The following RYR2 variants were observed in gnomAD, a reference collection of about 807,000 sequenced individuals.
The protein encoded by RYR2 is ryanodine receptor 2, also known as cardiac muscle ryanodine receptor-calcium release channel.
Under a neutral mutation model 601.1 loss-of-function variants are expected in RYR2, and 227 were observed. That is an observed-to-expected ratio of 0.38 (90% CI 0.34 to 0.42). The LOEUF (loss-of-function observed/expected upper bound fraction) is 0.42, where lower values mean the gene tolerates loss of function less well. RYR2 is among the 10% of genes least tolerant of loss of function. The pLI, the probability that RYR2 is intolerant of heterozygous loss-of-function variation, is 1.00. For missense variants in RYR2, 4,646 were observed against 6,156.5 expected (o/e 0.75, Z 8.21); for synonymous variants, 2,223 against 2,175.1 (o/e 1.02, Z -0.61).
At chr1:237,505,976 C>T (rs1665181991) in intron 22 of RYR2, among the ~76,000 whole-genome samples, 1 of 151,898 alleles carries the variant, frequency 6.6e-6, no homozygotes, top group South Asian at 2.1e-4. Context: ...AATCACTAGT[C>T]AGACATTTAT....
Position 237,311,646 on chromosome 1 carries a change from A to AT in RYR2, c.169-19221dup, listed in dbSNP as rs529823066. 7.8e-4 allele frequency among the ~76,000 whole-genome samples: 116 copies of AT among 148,168 alleles called. No homozygotes were observed. In the Middle Eastern group the frequency reaches 0.011, roughly 14 times the overall value. On this transcript the variant is annotated intron_variant, in intron 2 of 104. Coordinates refer to ENST00000366574, the MANE Select transcript of RYR2 (RefSeq NM_001035.3). ...AGGTGTGTGCCACCACAACCAGCTA[A>AT]TTTTTTTTTTTAAGTAGAGTTGGGA...
chr1:237,363,711 C>T (rs889302403), intron 4 of RYR2, among the ~76,000 whole-genome samples: 3 of 152,076 alleles, frequency 2.0e-5, no homozygotes, highest in Admixed American at 6.6e-5. Context: ...TATGCACACA[C>T]ATACGTACAC....
intron 56 of RYR2, among the ~76,000 whole-genome samples, chr1:237,665,557 C>T (rs1684250790): frequency 1.3e-5 from 2 of 152,104 alleles, no homozygotes; most frequent in Non-Finnish European, 1.5e-5. Context: ...AAACGGGATG[C>T]TCAAAAAACA....
chr1:237,796,152 G>C (rs12759509), intron 96 of RYR2, among the ~76,000 whole-genome samples: 8,481 of 151,812 alleles, frequency 0.056, 321 homozygotes, highest in African/African-American at 0.11. Context: ...TGCATCTGAG[G>C]ACACCCAAAT....
chr1:237,683,382 G>A (rs532160458), intron 62 of RYR2, among the ~76,000 whole-genome samples: 1 of 152,268 alleles, frequency 6.6e-6, no homozygotes, highest in South Asian at 2.1e-4. Flanking sequence ...ATACTTTGCA[G>A]TAGCTAAATA....
rs2147939984 is a variant in RYR2, at chr1:237,530,436, G to A, written c.2832G>A (p.Leu944=). Reference sequence around the variant, plus strand: ...TGGTTTTGTTTTCCAGGACTTTGTTGGCATTAGGATGTCATGTGGGTATAT... The same window carrying A: ...TGGTTTTGTTTTCCAGGACTTTGTTAGCATTAGGATGTCATGTGGGTATAT... ...QMSLETLKTL[L]ALGCHVGISD... Residue 944 remains leucine, a synonymous_variant, in exon 25 of 105, where the codon TTG becomes TTA. Transcript: ENST00000366574. 12 of 1,606,412 alleles carry A rather than the reference G, an allele frequency of 7.5e-6. No homozygotes were observed. The highest frequency in any genetic ancestry group is 2.2e-5 in the East Asian group (1 of 44,780).
At chr1:237,138,101 G>A (rs1043243822) in intron 1 of RYR2, among the ~76,000 whole-genome samples, 4 of 151,972 alleles carry the variant, frequency 2.6e-5, no homozygotes, top group Admixed American at 6.6e-5. Context: ...GCACAATCTC[G>A]GCTTACTGTA....
At chr1:237,236,364 A>T (rs139605821) in intron 1 of RYR2, among the ~76,000 whole-genome samples, 1 of 152,338 alleles carries the variant, frequency 6.6e-6, no homozygotes, top group Non-Finnish European at 1.5e-5. Context: ...GTACCAGGAA[A>T]AGATAAGAAA....
intron 4 of RYR2, among the ~76,000 whole-genome samples, chr1:237,357,002 T>C (rs1456345345): frequency 6.6e-6 from 1 of 152,210 alleles, no homozygotes; most frequent in Non-Finnish European, 1.5e-5. Context: ...TTGCCATCTT[T>C]TCAGTGCCCT....
chr1:237,385,868 A>C (rs1187831370), intron 8 of RYR2, among the ~76,000 whole-genome samples: 2 of 152,254 alleles, frequency 1.3e-5, no homozygotes, highest in African/African-American at 4.8e-5. Context: ...TGTGTCAGGT[A>C]GCTTCTAAAA....
At chr1:237,635,333 G>A (rs1027037588) in intron 44 of RYR2, among the ~76,000 whole-genome samples, 7 of 152,182 alleles carry the variant, frequency 4.6e-5, no homozygotes, top group African/African-American at 1.7e-4. Flanking sequence ...GAGAACCAAC[G>A]TTCTGTATCT....
intron 87 of RYR2, among the ~76,000 whole-genome samples, chr1:237,778,346 G>A (rs1573909752): frequency 6.7e-6 from 1 of 149,624 alleles, no homozygotes; most frequent in Non-Finnish European, 1.5e-5. Flanking sequence ...AATAGCCAAA[G>A]CACCCAGACC....
intron 1 of RYR2, among the ~76,000 whole-genome samples, chr1:237,244,660 C>T (rs891708856): frequency 2.6e-5 from 4 of 152,130 alleles, no homozygotes; most frequent in Non-Finnish European, 4.4e-5. Context: ...CTCGGAATCC[C>T]GTCTCTATCA....
intron 1 of RYR2, among the ~76,000 whole-genome samples, chr1:237,064,274 G>A (rs1162953680): frequency 6.6e-6 from 1 of 152,084 alleles, no homozygotes; most frequent in Non-Finnish European, 1.5e-5. Flanking sequence ...CAGCTGGTAA[G>A]TCCATCTACT....
At chr1:237,682,753 G>A (rs10925493) in intron 62 of RYR2, among the ~76,000 whole-genome samples, 70,136 of 152,006 alleles carry the variant, frequency 0.46, 18,748 homozygotes, top group East Asian at 0.66. Flanking sequence ...AATAGAAAAA[G>A]CGTTGGTAAA....
intron 1 of RYR2, among the ~76,000 whole-genome samples, chr1:237,059,257 C>T (rs1214662562): frequency 2.6e-5 from 4 of 152,022 alleles, no homozygotes; most frequent in African/African-American, 9.7e-5. Context: ...TTTAAAATCT[C>T]GGGGTTAATA....
intron 25 of RYR2, among the ~76,000 whole-genome samples, chr1:237,546,126 T>G (rs1669778479): frequency 6.6e-6 from 1 of 151,964 alleles, no homozygotes; most frequent in Non-Finnish European, 1.5e-5. Flanking sequence ...TTATAGAAGT[T>G]GTTAAAAAAA....
intron 1 of RYR2, among the ~76,000 whole-genome samples, chr1:237,222,039 G>A (rs1188061913): frequency 6.6e-6 from 1 of 152,140 alleles, no homozygotes; most frequent in South Asian, 2.1e-4. Flanking sequence ...GGAGGAGCTA[G>A]TGTTCCATGG....
chr1:237,424,966 A>G (rs1705996270), intron 12 of RYR2, among the ~76,000 whole-genome samples: 1 of 152,180 alleles, frequency 6.6e-6, no homozygotes, highest in South Asian at 2.1e-4. Context: ...TAATTTTGCT[A>G]ATTATGAAAA....
Sources: gnomAD v4.1 joint callset for allele counts (sites outside exome capture counted in the v4.1 genomes callset) on GRCh38, gnomAD v4.1.1 for gene constraint, MANE v1.5 for transcripts, NCBI Gene and HGNC (gene_info 2026-07-23, HGNC 2026-07-21) for gene names.